The following WDPCP variants were observed in gnomAD, a reference collection of about 807,000 sequenced individuals.
WDPCP encodes WD repeat containing planar cell polarity effector, also known as WD repeat-containing and planar cell polarity effector protein fritz homolog.
Under a neutral mutation model 93.1 loss-of-function variants are expected in WDPCP, and 71 were observed. The observed-to-expected ratio is 0.76, with a 90% CI of 0.63 to 0.93. The LOEUF is 0.93. WDPCP is among the 40% of genes least tolerant of loss of function. WDPCP has a pLI of 0.00. For synonymous variants in WDPCP, 315 were observed against 315.0 expected (o/e 1.00, Z 0.00); for missense variants, 844 against 887.4 (o/e 0.95, Z 0.62).
intron 13 of WDPCP, among the ~76,000 whole-genome samples, chr2:63,277,640 CA>C (rs1683189006): frequency 6.6e-6 from 1 of 152,068 alleles, no homozygotes; most frequent in South Asian, 2.1e-4. Flanking sequence ...AAGACAACAG[CA>C]GTTTAAAAAG....
intron 1 of WDPCP, among the ~76,000 whole-genome samples, chr2:63,527,222 CTT>C (rs71393312): frequency 9.3e-4 from 129 of 138,358 alleles, no homozygotes; most frequent in Admixed American, 1.1e-3. Flanking sequence ...GGCAGGCATG[CTT>C]TTTTTTTTTT....
intron 1 of WDPCP, among the ~76,000 whole-genome samples, chr2:63,558,883 A>T (rs1190608953): frequency 6.6e-6 from 1 of 152,216 alleles, no homozygotes; most frequent in Non-Finnish European, 1.5e-5. Context: ...TTTCTTTTAA[A>T]ACTATTCCAA....
Position 63,486,592 on chromosome 2 carries a change from AT to A in WDPCP, c.209-7del. The stretch of plus-strand genomic sequence containing the variant: ...TAAGTTACCATGCTCTGTCGCTGAT[AT>A]TGTGGCAGAAGGGATAGAAAGAAAA... On this transcript the variant is annotated splice_polypyrimidine_tract_variant and splice_region_variant and intron_variant, in intron 3 of 17. Coordinates refer to ENST00000272321, the MANE Select transcript of WDPCP (RefSeq NM_015910.7). 6.4e-7 allele frequency: 1 copy of A among 1,571,360 alleles called. No individual in the cohort carries two copies. Among genetic ancestry groups the A allele is most frequent in the Non-Finnish European group, 8.7e-7 (1 of 1,155,086 alleles).
At chr2:63,839,062 G>C in the WDPCP span, among the ~76,000 whole-genome samples, 2 of 152,184 alleles carry the variant, frequency 1.3e-5, no homozygotes, top group South Asian at 2.1e-4. Context: ...TGGGTAGTTA[G>C]TTACTTTTTG....
chr2:63,573,896 TG>T (rs202109349), intron 1 of WDPCP, among the ~76,000 whole-genome samples: 2,452 of 152,272 alleles, frequency 0.016, 75 homozygotes, highest in African/African-American at 0.056. Context: ...CCGTCTTTTA[TG>T]GTAGAAGCAG....
intron 1 of WDPCP, among the ~76,000 whole-genome samples, chr2:63,817,254 T>C (rs1298618586): frequency 6.6e-6 from 1 of 151,926 alleles, no homozygotes; most frequent in Admixed American, 6.6e-5. Context: ...GGATTACAGG[T>C]GTCCATCACC....
intron 3 of WDPCP, chr2:63,622,225 C>T (rs1709749422): frequency 8.1e-6 from 13 of 1,606,934 alleles, no homozygotes; most frequent in African/African-American, 2.7e-5. Flanking sequence ...GCCTTGCTGG[C>T]GAGGTCCTTG....
chr2:63,323,953 T>A (rs1244290812), intron 12 of WDPCP, among the ~76,000 whole-genome samples: 1 of 152,040 alleles, frequency 6.6e-6, no homozygotes, highest in Non-Finnish European at 1.5e-5. Flanking sequence ...ACAGGCGGTT[T>A]TGTCTTTCAG....
chr2:63,781,618 G>GAGTC (rs1292553078), intron 2 of WDPCP, among the ~76,000 whole-genome samples: 1 of 152,196 alleles, frequency 6.6e-6, no homozygotes, highest in Non-Finnish European at 1.5e-5. Context: ...GGGAGGCAGA[G>GAGTC]AGTCATGTTA....
intron 12 of WDPCP, among the ~76,000 whole-genome samples, chr2:63,338,892 G>GT (rs910470091): frequency 1.5e-4 from 23 of 151,292 alleles, no homozygotes; most frequent in Admixed American, 1.4e-3. Flanking sequence ...AAATTTTATA[G>GT]TTTTTTTTCT....
intron 13 of WDPCP, among the ~76,000 whole-genome samples, chr2:63,310,561 T>A (rs1686107508): frequency 6.6e-6 from 1 of 152,174 alleles, no homozygotes; most frequent in Non-Finnish European, 1.5e-5. Context: ...ACATCAAATT[T>A]CAGTGTCCAT....
At chr2:63,234,355 G>GAGGC (rs1050446647) in intron 14 of WDPCP, among the ~76,000 whole-genome samples, 24 of 152,158 alleles carry the variant, frequency 1.6e-4, no homozygotes, top group Non-Finnish European at 2.9e-5. Context: ...TTGGGAAAAT[G>GAGGC]AGGCAGGATG....
At position 63,339,749 on chromosome 2, in the gene WDPCP, G is replaced by C. The variant is rs1308216441; in HGVS notation, c.1749-26438C>G. On this transcript the variant is annotated intron_variant, in intron 12 of 17. Transcript: ENST00000272321. ...TTATGTTGAATAAAAGTGGTGAAAAGTGGGCATCCTTGTCTTTTCCAATGC... is the reference window on the plus strand; with the variant it reads ...TTATGTTGAATAAAAGTGGTGAAAACTGGGCATCCTTGTCTTTTCCAATGC... 2.6e-5 allele frequency among the ~76,000 whole-genome samples: 4 copies of C among 152,110 alleles called. No homozygotes were observed. The East Asian group carries it at 7.7e-4, about 29-fold the overall frequency.
At chr2:63,512,706 C>T (rs1385555088) in intron 1 of WDPCP, among the ~76,000 whole-genome samples, 1 of 151,854 alleles carries the variant, frequency 6.6e-6, no homozygotes, top group African/African-American at 2.4e-5. Flanking sequence ...AACATATGGG[C>T]ACAGGGAGGG....
chr2:63,662,138 CACA>C (rs1410854520), intron 2 of WDPCP, among the ~76,000 whole-genome samples: 2 of 151,964 alleles, frequency 1.3e-5, no homozygotes, highest in East Asian at 3.8e-4. Flanking sequence ...CCCTATGTGC[CACA>C]ACAAGCCAGT....
intron 8 of WDPCP, among the ~76,000 whole-genome samples, chr2:63,437,132 G>A (rs963486436): frequency 1.3e-5 from 2 of 151,974 alleles, no homozygotes; most frequent in Non-Finnish European, 2.9e-5. Context: ...CCACTGGCAC[G>A]AAAACCATTT....
At chr2:63,224,917 T>C (rs1678156565) in intron 14 of WDPCP, among the ~76,000 whole-genome samples, 1 of 151,956 alleles carries the variant, frequency 6.6e-6, no homozygotes, top group Non-Finnish European at 1.5e-5. Context: ...TGTATAAATA[T>C]AGGCTCACCA....
chr2:63,219,448 C>T (rs1237532993), intron 14 of WDPCP, among the ~76,000 whole-genome samples: 4 of 152,184 alleles, frequency 2.6e-5, no homozygotes, highest in African/African-American at 9.7e-5. Context: ...GCCATGCAAC[C>T]ATATCAGTGT....
intron 2 of WDPCP, among the ~76,000 whole-genome samples, chr2:63,773,062 A>G (rs971437152): frequency 1.2e-4 from 18 of 152,084 alleles, no homozygotes; most frequent in Admixed American, 1.0e-3. Flanking sequence ...TAGAGAAACC[A>G]TTAGCATTGC....
Sources: gnomAD v4.1 joint callset for allele counts (sites outside exome capture counted in the v4.1 genomes callset) on GRCh38, gnomAD v4.1.1 for gene constraint, MANE v1.5 for transcripts, NCBI Gene and HGNC (gene_info 2026-07-23, HGNC 2026-07-21) for gene names.